The following VCP variants were observed in gnomAD, a reference collection of about 807,000 sequenced individuals.
VCP encodes the protein transitional endoplasmic reticulum ATPase.
VCP carries 6 observed loss-of-function variants against 85.7 expected under a neutral mutation model. The ratio of observed to expected loss-of-function variants is 0.07; its 90% confidence interval spans 0.04 to 0.14. The LOEUF is 0.14. VCP is among the 10% of genes least tolerant of loss of function. The pLI, the probability that VCP is intolerant of heterozygous loss-of-function variation, is 1.00. For synonymous variants in VCP, 384 were observed against 367.1 expected (o/e 1.05, Z -0.53); for missense variants, 353 against 1,043.4 (o/e 0.34, Z 9.12).
intron 3 of VCP, among the ~76,000 whole-genome samples, 184 bp from the exon 4 acceptor site, chr9:35,067,001 A>G (rs911623857): frequency 6.6e-6 from 1 of 152,222 alleles, no homozygotes; most frequent in Admixed American, 6.5e-5. Flanking sequence ...ACTCACTCCT[A>G]ATCAGTGAGC....
Position 35,057,020 on chromosome 9 carries a change from T to C in VCP, c.*97A>G. On this transcript the variant is annotated 3_prime_UTR_variant, in exon 17 of 17. Coordinates refer to ENST00000358901, the MANE Select transcript of VCP (RefSeq NM_007126.5). ...GTTCAGACTGGAGAATGGAGCAGGC[T>C]GTGGGCGCACCCCTGGTCCCTCTCC... The C allele has an allele frequency of 8.4e-7, 1 of 1,192,308 alleles. No individual in the cohort carries two copies. Among genetic ancestry groups the C allele is most frequent in the East Asian group, 2.3e-5 (1 of 42,966 alleles). 73.9% of individuals were successfully genotyped at this position (1,192,308 alleles called of 1,614,324 possible). A position where few individuals can be genotyped will look rare whatever the true frequency, so the allele number is the denominator to read the frequency against.
chr9:35,061,961 G>C, intron 9 of VCP, 42 bp downstream of exon 9: 1 of 1,613,952 alleles, frequency 6.2e-7, no homozygotes. Flanking sequence ...AGAGAAGTAG[G>C]ACCTAAGCAA....
chr9:35,068,196 G>GA (rs778771850), intron 2 of VCP, 55 bp downstream of exon 2: 9 of 1,608,046 alleles, frequency 5.6e-6, no homozygotes, highest in Non-Finnish European at 6.8e-6. Context: ...AGAAACCTGG[G>GA]AAAATCCCTC....
At chr9:35,061,838 C>G (rs944139142) in intron 9 of VCP, 149 bp from the exon 10 acceptor site, 17 of 1,451,670 alleles carry the variant, frequency 1.2e-5, no homozygotes, top group Admixed American at 5.6e-5. Context: ...CTTTCAGTCT[C>G]AGGAAAACCA....
At chr9:35,066,962 G>A in intron 3 of VCP, 145 bp from the exon 4 acceptor site, 1 of 1,344,838 alleles carries the variant, frequency 7.4e-7, no homozygotes, top group Non-Finnish European at 1.1e-6. Flanking sequence ...AGGAGAACAG[G>A]GTGGAAGTGA....
intron 12 of VCP, 86 bp downstream of exon 12, chr9:35,060,715 G>A (rs1045954217): frequency 3.1e-6 from 5 of 1,609,598 alleles, no homozygotes; most frequent in Non-Finnish European, 4.3e-6. Context: ...CACAACTCTT[G>A]CAGCAAATGT....
At chr9:35,069,889 T>C (rs1176298092) in intron 1 of VCP, among the ~76,000 whole-genome samples, 1 of 152,222 alleles carries the variant, frequency 6.6e-6, no homozygotes, top group Admixed American at 6.5e-5. Flanking sequence ...AACAAATTCA[T>C]GAGTCTCTAT....
chr9:35,066,167 A>G (rs960292297), intron 4 of VCP, among the ~76,000 whole-genome samples: 3 of 151,978 alleles, frequency 2.0e-5, no homozygotes, highest in African/African-American at 7.2e-5. Flanking sequence ...TTGATGGCTC[A>G]TGCCTGTAAT....
intron 2 of VCP, 62 bp from the exon 3 acceptor site, chr9:35,068,125 G>A (rs757059299): frequency 6.2e-7 from 1 of 1,610,930 alleles, no homozygotes; most frequent in Non-Finnish European, 8.5e-7. Context: ...CAGCAGCCCT[G>A]GAGATTGGGA....
At chr9:35,061,941 T>G (rs1383798758) in intron 9 of VCP, 62 bp downstream of exon 9, 1 of 1,613,076 alleles carries the variant, frequency 6.2e-7, no homozygotes, top group East Asian at 2.2e-5. Context: ...TTAGGTGACT[T>G]AGATGAAGGA....
rs1221389724 is a variant in VCP, at chr9:35,057,121, C to T, written c.2417G>A (p.Gly806Asp). Residue 806 changes from glycine to aspartate, a missense_variant, in exon 17 of 17, where the codon GGC becomes GAC. This residue lies in a region of VCP where 93 missense variants were observed against 197.1 expected (regional missense o/e 0.47). Transcript: ENST00000358901. ...YTEDNDDDLY[G>D] ...CTGCACGCTGGCCACCACCACTTAG[C>T]CATACAGGTCATCATCATTGTCTTC... is the stretch of plus-strand genomic sequence containing the variant. 6.2e-7 allele frequency: 1 copy of T among 1,614,100 alleles called. No homozygotes were observed. The highest frequency in any genetic ancestry group is 1.1e-5 in the South Asian group (1 of 91,090).
rs35504855 is a variant in VCP, at chr9:35,066,582, T to TAA, written c.445+91_445+92dup. 39,818 of 1,197,656 alleles carry TAA rather than the reference T, an allele frequency of 0.033. 9 individuals are homozygous for TAA. Among genetic ancestry groups the TAA allele is most frequent in the Non-Finnish European group, 0.038 (33,536 of 872,790 alleles). The allele number at this position is 1,197,656 out of a possible 1,614,324, so 74.2% of individuals were successfully genotyped here. A position where few individuals can be genotyped will look rare whatever the true frequency, so the allele number is the denominator to read the frequency against. On this transcript the variant is annotated intron_variant, in intron 4 of 16. Transcript: ENST00000358901. ...ATACAGGGGAAAAGCATAAAAGATT[T>TAA]AAAAAAAAAAAAAGAAAAAGAAAAT...
In VCP at chr9:35,066,898, T is replaced by C; in HGVS notation, c.303-81A>G. 3 of 1,605,018 alleles carry C rather than the reference T, an allele frequency of 1.9e-6. No individual in the cohort carries two copies. In the South Asian group the frequency reaches 3.3e-5, roughly 18 times the overall value. ...GGTGTCCAAAAGGGCCTGGCACAGATAGCTGATAGTAAGTGAAAAAGAAAA... is the reference window on the plus strand; with the variant it reads ...GGTGTCCAAAAGGGCCTGGCACAGACAGCTGATAGTAAGTGAAAAAGAAAA... On this transcript the variant is annotated intron_variant, in intron 3 of 16. Coordinates refer to ENST00000358901, the MANE Select transcript of VCP (RefSeq NM_007126.5).
At chr9:35,066,129 A>G (rs1309360496) in intron 4 of VCP, among the ~76,000 whole-genome samples, 2 of 151,892 alleles carry the variant, frequency 1.3e-5, no homozygotes, top group Non-Finnish European at 2.9e-5. Flanking sequence ...CTGTCTCAAA[A>G]AAAAAAGAAA....
At position 35,059,201 on chromosome 9, in the gene VCP, G is replaced by A. The variant is rs1828671936; in HGVS notation, c.2023C>T (p.Leu675=). 1 of 1,614,142 alleles carries A rather than the reference G, an allele frequency of 6.2e-7. No homozygotes were observed. The highest frequency in any genetic ancestry group is 8.5e-7 in the Non-Finnish European group (1 of 1,180,038). ...GAGAAGCCATTAGTCATTTTAGCCA[G>A]GAACTCCAAGTCCACATCCTAAAAG... The part of the protein sequence containing the change: ...PVAKDVDLEF[L]AKMTNGFSGA... The change falls in exon 15 of 17, where the codon CTG becomes TTG. Residue 675 remains leucine, a synonymous_variant. Coordinates refer to ENST00000358901, the MANE Select transcript of VCP (RefSeq NM_007126.5). This position sits in a 1 kb window ranked among gnomAD's most constrained non-coding sequence, Gnocchi z 4.9.
chr9:35,061,899 G>A (rs1012765928), intron 9 of VCP, 104 bp downstream of exon 9: 8 of 1,591,500 alleles, frequency 5.0e-6, no homozygotes, highest in Non-Finnish European at 6.9e-6. Context: ...AAAGACCCCT[G>A]GACCCAATCA....
chr9:35,069,218 A>G (rs1211841177), intron 1 of VCP, among the ~76,000 whole-genome samples: 1 of 152,230 alleles, frequency 6.6e-6, no homozygotes, highest in Non-Finnish European at 1.5e-5. Flanking sequence ...CTTCACAGTA[A>G]TATCTGCAAA....
At chr9:35,066,923 AGG>A in intron 3 of VCP, 106 bp from the exon 4 acceptor site, 4 of 1,574,180 alleles carry the variant, frequency 2.5e-6, no homozygotes, top group Non-Finnish European at 2.6e-6. Context: ...GAAAAAGAAA[AGG>A]CAGGATGGCT....
intron 9 of VCP, 106 bp from the exon 10 acceptor site, chr9:35,061,795 C>G (rs1342842493): frequency 5.1e-6 from 7 of 1,379,410 alleles, no homozygotes; most frequent in Non-Finnish European, 7.2e-6. Flanking sequence ...TGTCCTAATG[C>G]CAGCACTAAA....
Sources: gnomAD v4.1 joint callset for allele counts (sites outside exome capture counted in the v4.1 genomes callset) on GRCh38, gnomAD v4.1.1 for gene constraint, gnomAD v4.1.1 regional missense constraint, Gnocchi (gnomAD v3.1) non-coding constraint, MANE v1.5 for transcripts, NCBI Gene and HGNC (gene_info 2026-07-23, HGNC 2026-07-21) for gene names.